Variants in ITGA3 observed in about 807,000 individuals in gnomAD.
The protein encoded by ITGA3 is integrin alpha-3.
In ITGA3, 70 loss-of-function variants were observed where a neutral mutation model predicts 131.1. The ratio of observed to expected loss-of-function variants is 0.53; its 90% CI spans 0.44 to 0.65. The LOEUF (loss-of-function observed/expected upper bound fraction) is 0.65, where lower values mean the gene tolerates loss of function less well. Among genes scored for constraint, ITGA3 ranks in the 30% least tolerant of loss-of-function variants. The pLI is 0.00. For missense variants in ITGA3, 1,098 were observed against 1,388.6 expected (o/e 0.79, Z 3.33); for synonymous variants, 537 against 571.6 (o/e 0.94, Z 0.86).
At chr17:50,081,060 C>A (rs1387319706) in intron 22 of ITGA3, 1 of 495,454 alleles carries the variant, frequency 2.0e-6, no homozygotes, top group African/African-American at 1.9e-5. Context: ...ACAGGCCTGA[C>A]CTAGACTGTG....
rs548619651 is a variant in ITGA3 at position 50,067,285 on chromosome 17, G to A, written c.415-771G>A. Among the ~76,000 whole-genome samples the A allele has an allele frequency of 2.0e-5, 3 of 152,306 alleles. No individual in the cohort carries two copies. The South Asian group carries it at 6.2e-4, about 32-fold the overall frequency. On this transcript the variant is annotated intron_variant, in intron 3 of 25. Transcript: ENST00000320031. ...TACTTCTGGACTTTGCCTGTCTCCA[G>A]GCTGTTTTAAGTCACCCTATTCTGG...
At chr17:50,071,864 C>A in intron 6 of ITGA3, 122 bp from the exon 7 acceptor site, 1 of 817,858 alleles carries the variant, frequency 1.2e-6, no homozygotes. Flanking sequence ...CACCCATGAC[C>A]TGTGGCCGGA....
chr17:50,057,720 C>T, intron 1 of ITGA3, among the ~76,000 whole-genome samples: 1 of 152,172 alleles, frequency 6.6e-6, no homozygotes, highest in South Asian at 2.1e-4. Context: ...GGCCTCTGAC[C>T]CCACTGAACA....
At position 50,071,199 on chromosome 17, in the gene ITGA3, G is replaced by A. The variant is rs1598186637; in HGVS notation, c.752-112G>A. 5.0e-6 allele frequency: 5 copies of A among 991,296 alleles called. No individual in the cohort carries two copies. The East Asian group carries it at 1.3e-4, about 26-fold the overall frequency. The allele number at this position is 991,296 out of a possible 1,614,324, so 61.4% of individuals were successfully genotyped here. Reference sequence around the variant, plus strand: ...CTACTTTCTTGCCCTACTTGGAATAGTGGGATAGAACATCATGGTGGGGGG... The same window carrying A: ...CTACTTTCTTGCCCTACTTGGAATAATGGGATAGAACATCATGGTGGGGGG... On this transcript the variant is annotated intron_variant, in intron 5 of 25. Coordinates refer to ENST00000320031, the MANE Select transcript of ITGA3 (RefSeq NM_002204.4).
chr17:50,075,799 C>T lies in ITGA3; in HGVS notation c.1674+64C>T. The stretch of plus-strand genomic sequence containing the variant: ...TCCCTGGAGGAGGTGGCCAGTGTCC[C>T]CCTAGATCAAGGGTGAGGGACGGGG... On this transcript the variant is annotated intron_variant, in intron 12 of 25. Coordinates refer to ENST00000320031, the MANE Select transcript of ITGA3 (RefSeq NM_002204.4). 3.2e-6 allele frequency: 5 copies of T among 1,568,588 alleles called. No individual in the cohort carries two copies. The Admixed American group carries it at 5.1e-5, about 16-fold the overall frequency.
chr17:50,062,174 G>A (rs1567696271), intron 1 of ITGA3, among the ~76,000 whole-genome samples: 1 of 152,142 alleles, frequency 6.6e-6, no homozygotes, highest in East Asian at 1.9e-4. Flanking sequence ...CTTCATATCA[G>A]AACACCTTTT....
chr17:50,058,969 C>T (rs1201441926), intron 1 of ITGA3, among the ~76,000 whole-genome samples: 1 of 152,220 alleles, frequency 6.6e-6, no homozygotes, highest in African/African-American at 2.4e-5. Flanking sequence ...AGTATTTGTC[C>T]ACTGCCCTGG....
In ITGA3 at chr17:50,071,529, A is replaced by G. The variant is rs1908633272; in HGVS notation, c.959+11A>G. 6.3e-7 allele frequency: 1 copy of G among 1,597,096 alleles called. No individual in the cohort carries two copies. The highest frequency in any genetic ancestry group is 8.5e-7 in the Non-Finnish European group (1 of 1,175,194). On this transcript the variant is annotated intron_variant, in intron 6 of 25. Coordinates refer to ENST00000320031, the MANE Select transcript of ITGA3 (RefSeq NM_002204.4). ...CCTGAACAATGATGGGTGAGAATCT[A>G]GGGACATCCTCTGGGGCCAGGGAGA...
Position 50,077,387 on chromosome 17 carries a change from C to T in ITGA3, c.2079C>T (p.Ala693=), listed in dbSNP as rs200736460. 9.0e-5 allele frequency: 146 copies of T among 1,613,896 alleles called. No homozygotes were observed. Among genetic ancestry groups the T allele is most frequent in the Non-Finnish European group, 1.5e-5 (18 of 1,179,908 alleles). The change falls in exon 16 of 26, where the codon GCC becomes GCT. Residue 693 remains alanine (A), a synonymous_variant. Coordinates refer to ENST00000320031, the MANE Select transcript of ITGA3 (RefSeq NM_002204.4). ...LLLSSVRPPG[A]CQANETIFCE... ...TCGCCTTCTTTCCTCAGCCCGGGGCCTGCCAAGCTAATGAGACCATCTTTT... is the reference window on the plus strand; with the variant it reads ...TCGCCTTCTTTCCTCAGCCCGGGGCTTGCCAAGCTAATGAGACCATCTTTT...
chr17:50,073,593 AACACACACACACACACAC>A (rs71146961), intron 7 of ITGA3, among the ~76,000 whole-genome samples: 8 of 144,160 alleles, frequency 5.5e-5, no homozygotes, highest in African/African-American at 1.6e-4. Flanking sequence ...ACTGTCTATA[AACACACACACACACACAC>A]ACACACACAC....
At chr17:50,076,499 T>A (rs994972792) in intron 13 of ITGA3, 24 bp downstream of exon 13, 1 of 1,606,260 alleles carries the variant, frequency 6.2e-7, no homozygotes, top group African/African-American at 1.3e-5. Context: ...GCGCCTGGAC[T>A]GGAAGACCAG....
chr17:50,081,897 A>G (rs182727664), intron 23 of ITGA3, among the ~76,000 whole-genome samples: 1 of 152,392 alleles, frequency 6.6e-6, no homozygotes, highest in African/African-American at 2.4e-5. Context: ...AGAGAAAGGC[A>G]GGATATCAAG....
At chr17:50,087,907 C>T (rs1360601591) in intron 24 of ITGA3, 38 bp downstream of exon 24, 2 of 1,520,380 alleles carry the variant, frequency 1.3e-6, no homozygotes, top group Middle Eastern at 2.3e-4. Context: ...GGGACCTCCA[C>T]CAGCACACTC....
chr17:50,072,310 C>G (rs1320881451), intron 7 of ITGA3, 128 bp downstream of exon 7: 4 of 820,798 alleles, frequency 4.9e-6, no homozygotes, highest in Non-Finnish European at 7.8e-6. Context: ...TGGGGCCGGA[C>G]CTGGGGAGCT....
At position 50,089,473 on chromosome 17, in the gene ITGA3, G is replaced by T; in HGVS notation, c.*395G>T. 1 of 583,740 alleles carries T rather than the reference G, an allele frequency of 1.7e-6. No homozygotes were observed. The highest frequency in any genetic ancestry group is 2.8e-5 in the East Asian group (1 of 35,354). 36.2% of individuals were successfully genotyped at this position (583,740 alleles called of 1,614,324 possible). The stretch of plus-strand genomic sequence containing the variant: ...CCAGCGCTGTGGACCTTACAACGCC[G>T]AGTGCACTGCATTCCTGTGCCCTAG... On this transcript the variant is annotated 3_prime_UTR_variant, in exon 26 of 26. Transcript: ENST00000320031.
At chr17:50,077,709 C>G (rs1908980762) in intron 16 of ITGA3, among the ~76,000 whole-genome samples, 1 of 152,236 alleles carries the variant, frequency 6.6e-6, no homozygotes, top group African/African-American at 2.4e-5. Context: ...GTGCCAGCCC[C>G]TGAGCCCAAC....
intron 14 of ITGA3, 66 bp from the exon 15 acceptor site, chr17:50,076,908 G>A (rs1908934237): frequency 3.9e-6 from 6 of 1,541,230 alleles, no homozygotes; most frequent in Non-Finnish European, 5.3e-6. Context: ...CAGGGGCGGG[G>A]CCTAGTTGAT....
In ITGA3 at chr17:50,056,508, G is replaced by A. The variant is rs374174059; in HGVS notation, c.69G>A (p.Val23=). The A allele has an allele frequency of 1.9e-6, 3 of 1,550,136 alleles. No homozygotes were observed. Among genetic ancestry groups the A allele is most frequent in the African/African-American group, 2.7e-5 (2 of 73,066 alleles). Residue 23 remains valine (V), a synonymous_variant, in exon 1 of 26, where the codon GTG becomes GTA. Coordinates refer to ENST00000320031, the MANE Select transcript of ITGA3 (RefSeq NM_002204.4). This position sits in a 1 kb window ranked among gnomAD's most constrained non-coding sequence, Gnocchi z 5.6. ...RLMLCALALM[V]AAGGCVVSAF... is the part of the protein sequence containing the mutation. Reference sequence around the variant, plus strand: ...TGCTCTGTGCGCTCGCCTTGATGGTGGCGGCCGGCGGCTGCGTCGTCTCCG... The same window carrying A: ...TGCTCTGTGCGCTCGCCTTGATGGTAGCGGCCGGCGGCTGCGTCGTCTCCG...
At chr17:50,084,679 G>C (rs1158267016) in intron 23 of ITGA3, among the ~76,000 whole-genome samples, 1 of 152,174 alleles carries the variant, frequency 6.6e-6, no homozygotes, top group Non-Finnish European at 1.5e-5. Context: ...TAACACTTTG[G>C]GAGGCCAAGG....
Sources: allele counts gnomAD v4.1 joint callset (sites outside exome capture counted in the v4.1 genomes callset), GRCh38; gene constraint gnomAD v4.1.1; non-coding constraint Gnocchi (gnomAD v3.1); transcripts MANE v1.5; gene names NCBI Gene and HGNC (gene_info 2026-07-23, HGNC 2026-07-21).